MCMDC2: variants seen among roughly 807,000 people sequenced by gnomAD.
MCMDC2 encodes the protein minichromosome maintenance domain containing 2.
MCMDC2 carries 54 observed loss-of-function variants against 75.8 expected under a neutral mutation model. The observed-to-expected ratio is 0.71, with a 90% CI of 0.57 to 0.89. MCMDC2 has a LOEUF of 0.89. MCMDC2 is among the 40% of genes least tolerant of loss of function. The pLI is 0.00. For synonymous variants in MCMDC2, 249 were observed against 274.6 expected (o/e 0.91, Z 0.92); for missense variants, 656 against 780.4 (o/e 0.84, Z 1.90).
At chr8:66,922,810 G>C (rs894429102), downstream of MCMDC2, 3 of 243,580 alleles carry the variant, frequency 1.2e-5, no homozygotes, top group South Asian at 4.5e-5. Flanking sequence ...TCCAAGAAGA[G>C]AATCTCATTC....
At chr8:66,918,424 A>G (rs991608149) in intron 14 of MCMDC2, among the ~76,000 whole-genome samples, 1 of 152,144 alleles carries the variant, frequency 6.6e-6, no homozygotes, top group Non-Finnish European at 1.5e-5. Flanking sequence ...ACATTCAGGA[A>G]ATCATGGCCA....
rs180791567 is a variant in MCMDC2, at chr8:66,919,288, C to T, written c.*119C>T. The T allele has an allele frequency of 3.7e-4, 270 of 733,068 alleles. 1 individual carries two copies. The African/African-American group carries it at 4.3e-3, about 12-fold the overall frequency. 45.4% of individuals were successfully genotyped at this position (733,068 alleles called of 1,614,324 possible). Reference sequence around the variant, plus strand: ...CTCTGTACAGGAATATATTACAATACTGTTTTTAAAAATATAAAATATAGT... The same window carrying T: ...CTCTGTACAGGAATATATTACAATATTGTTTTTAAAAATATAAAATATAGT... On this transcript the variant is annotated 3_prime_UTR_variant, in exon 15 of 15. Coordinates refer to ENST00000422365, the MANE Select transcript of MCMDC2 (RefSeq NM_173518.5).
At chr8:66,896,039 C>A in intron 10 of MCMDC2, 131 bp from the exon 11 acceptor site, 1 of 734,890 alleles carries the variant, frequency 1.4e-6, no homozygotes, top group Non-Finnish European at 2.1e-6. Flanking sequence ...TCTTGCAAAA[C>A]AGTCAAATTT....
At chr8:66,894,346 G>A (rs1436942873) in intron 10 of MCMDC2, among the ~76,000 whole-genome samples, 2 of 152,146 alleles carry the variant, frequency 1.3e-5, no homozygotes, top group East Asian at 3.9e-4. Flanking sequence ...TTTCTTACTT[G>A]GTTGCTTCCC....
downstream of MCMDC2, among the ~76,000 whole-genome samples, chr8:66,923,718 T>G (rs1417206231): frequency 6.6e-6 from 1 of 151,710 alleles, no homozygotes; most frequent in Non-Finnish European, 1.5e-5. Context: ...CCAAACCCCA[T>G]CTCCACTAAA....
At chr8:66,902,483 G>T (rs1334043363) in intron 13 of MCMDC2, among the ~76,000 whole-genome samples, 1 of 150,430 alleles carries the variant, frequency 6.6e-6, no homozygotes, top group Non-Finnish European at 1.5e-5. Context: ...GAGGTCAGGA[G>T]TTTGAGCCCA....
rs74400162 is a variant in MCMDC2, at chr8:66,903,637, G to C, written c.1770-1589G>C. Among the ~76,000 whole-genome samples, 1,480 of 152,234 alleles carry C rather than the reference G, an allele frequency of 9.7e-3. 27 individuals carry two copies. Among genetic ancestry groups the C allele is most frequent in the African/African-American group, 0.034 (1,412 of 41,544 alleles). ...ATTGTAGAAATAAATACTAAGGGTG[G>C]TTTGTGAAACAGCAGAGTAAATAAA... On this transcript the variant is annotated intron_variant, in intron 13 of 14. Transcript: ENST00000422365.
intron 12 of MCMDC2, among the ~76,000 whole-genome samples, chr8:66,898,624 C>CAAAAAAAAAAAAAAAAAAAAA: frequency 1.7e-5 from 1 of 58,624 alleles, no homozygotes; most frequent in Non-Finnish European, 4.1e-5. Flanking sequence ...AACTCCGTCT[C>CAAAAAAAAAAAAAAAAAAAAA]AAAAAAAAAA....
chr8:66,899,686 C>T (rs1412107939), intron 12 of MCMDC2, among the ~76,000 whole-genome samples: 2 of 151,834 alleles, frequency 1.3e-5, no homozygotes, highest in Non-Finnish European at 2.9e-5. Flanking sequence ...TTAGTAGAGA[C>T]AGGGTTTCAC....
chr8:66,899,211 T>C (rs1490113885), intron 12 of MCMDC2, among the ~76,000 whole-genome samples: 3 of 152,188 alleles, frequency 2.0e-5, no homozygotes, highest in Non-Finnish European at 2.9e-5. Flanking sequence ...GACTTTATAA[T>C]GTCCTCCCCG....
chr8:66,873,404 G>T (rs1212308518), intron 1 of MCMDC2, among the ~76,000 whole-genome samples: 1 of 152,068 alleles, frequency 6.6e-6, no homozygotes, highest in Admixed American at 6.6e-5. Flanking sequence ...ACTATATTTT[G>T]TTACTTAGAT....
downstream of MCMDC2, among the ~76,000 whole-genome samples, chr8:66,924,355 G>A (rs777394096): frequency 1.3e-5 from 2 of 151,914 alleles, no homozygotes; most frequent in Admixed American, 6.6e-5. Context: ...GGCCGGGCGC[G>A]GTAACTCACG....
intron 12 of MCMDC2, 43 bp from the exon 13 acceptor site, chr8:66,901,163 C>A: frequency 7.0e-7 from 1 of 1,434,682 alleles, no homozygotes; most frequent in South Asian, 1.2e-5. Flanking sequence ...TATATTGATT[C>A]CATAATAAAG....
chr8:66,915,913 TGA>T (rs1813298528), intron 14 of MCMDC2, among the ~76,000 whole-genome samples: 2 of 150,814 alleles, frequency 1.3e-5, no homozygotes, highest in African/African-American at 4.9e-5. Flanking sequence ...TTTCTAAGAA[TGA>T]GAGTTTTTCC....
chr8:66,883,251 A>C (rs1811678178), intron 8 of MCMDC2, among the ~76,000 whole-genome samples: 1 of 152,220 alleles, frequency 6.6e-6, no homozygotes, highest in Non-Finnish European at 1.5e-5. Flanking sequence ...GCAACATTCA[A>C]ATATTTCCCA....
At chr8:66,918,698 G>C (rs897472073) in intron 14 of MCMDC2, among the ~76,000 whole-genome samples, 1 of 152,056 alleles carries the variant, frequency 6.6e-6, no homozygotes, top group Non-Finnish European at 1.5e-5. Context: ...CAAGTTTCTA[G>C]TTCCAAACTT....
downstream of MCMDC2, chr8:66,922,322 AC>A: frequency 3.3e-6 from 1 of 299,122 alleles, no homozygotes; most frequent in Non-Finnish European, 6.7e-6. Flanking sequence ...CAAATCACTT[AC>A]TTGAGGTAAC....
intron 14 of MCMDC2, among the ~76,000 whole-genome samples, chr8:66,908,992 C>T (rs1207719104): frequency 2.6e-5 from 4 of 152,158 alleles, no homozygotes; most frequent in African/African-American, 4.8e-5. Flanking sequence ...GAATTGAAAT[C>T]CCCATAATCC....
chr8:66,910,156 C>T (rs534248146), intron 14 of MCMDC2, among the ~76,000 whole-genome samples: 3 of 152,200 alleles, frequency 2.0e-5, no homozygotes, highest in Non-Finnish European at 4.4e-5. Flanking sequence ...GTGTGGATAT[C>T]CCTGCAGAAG....
Sources: gnomAD v4.1 joint callset for allele counts (sites outside exome capture counted in the v4.1 genomes callset) on GRCh38, gnomAD v4.1.1 for gene constraint, MANE v1.5 for transcripts, NCBI Gene and HGNC (gene_info 2026-07-23, HGNC 2026-07-21) for gene names.